ACADS: variants seen among roughly 807,000 people sequenced by gnomAD.
ACADS encodes the protein acyl-CoA dehydrogenase short chain, also known as short-chain specific acyl-CoA dehydrogenase, mitochondrial.
Under a neutral mutation model 46.8 loss-of-function variants are expected in ACADS, and 28 were observed. The observed-to-expected ratio is 0.60, with a 90% CI of 0.44 to 0.82. ACADS has a LOEUF of 0.82. ACADS is among the 40% of genes least tolerant of loss of function. The pLI is 0.00. For missense variants in ACADS, 528 were observed against 578.0 expected, an observed-to-expected ratio of 0.91 and a Z score of 0.89; for synonymous variants, 236 against 237.7, an observed-to-expected ratio of 0.99 and a Z score of 0.07.
intron 1 of ACADS, among the ~76,000 whole-genome samples, chr12:120,726,442 T>A (rs1391151957): frequency 1.3e-5 from 2 of 152,246 alleles, no homozygotes; most frequent in Admixed American, 1.3e-4. Flanking sequence ...ATACAGTACC[T>A]TTCCCATCTT....
At position 120,728,764 on chromosome 12, in the gene ACADS, C is replaced by T. The variant is rs183894819; in HGVS notation, c.210+1575C>T. 2.6e-5 allele frequency among the ~76,000 whole-genome samples: 4 copies of T among 152,214 alleles called. No individual in the cohort carries two copies. The highest frequency in any genetic ancestry group is 2.1e-4 in the South Asian group (1 of 4,822). On this transcript the variant is annotated intron_variant, in intron 2 of 9. Transcript: ENST00000242592. The surrounding 1 kb of genome is among the most constrained non-coding windows in gnomAD (Gnocchi z 4.0). ...TCAGGCAATCCACCCGCCTCGGCCTCGCAAAGTGCTGGGATTACAGGCGTG... is the reference window on the plus strand; with the variant it reads ...TCAGGCAATCCACCCGCCTCGGCCTTGCAAAGTGCTGGGATTACAGGCGTG...
chr12:120,739,409 G>A lies in ACADS; in HGVS notation c.1200G>A (p.Leu400=). ...AGGGCACCAGCGAAATCCAGCGGCT[G>A]GTGATCGCCGGGCATCTGCTCAGGA... ...IYEGTSEIQR[L]VIAGHLLRSY... The change falls in exon 10 of 10, where the codon CTG becomes CTA. Residue 400 remains leucine, a synonymous_variant. Transcript: ENST00000242592. 1 of 1,612,184 alleles carries A rather than the reference G, an allele frequency of 6.2e-7. No individual in the cohort carries two copies. The highest frequency in any genetic ancestry group is 1.1e-5 in the South Asian group (1 of 91,074).
chr12:120,737,900 T>C lies in ACADS; in HGVS notation c.536T>C (p.Leu179Pro). Residue 179 changes from leucine to proline, a missense_variant, in exon 5 of 10, where the codon CTG becomes CCG. Coordinates refer to ENST00000242592, the MANE Select transcript of ACADS (RefSeq NM_000017.4). Reference sequence around the variant, plus strand: ...CGGGCCGAGGGCGACTCATGGGTTCTGAATGGAACCAAAGCCTGGATCACC... The same window carrying C: ...CGGGCCGAGGGCGACTCATGGGTTCCGAATGGAACCAAAGCCTGGATCACC... ...TARAEGDSWV[L>P]NGTKAWITNA... 1 of 1,614,140 alleles carries C rather than the reference T, an allele frequency of 6.2e-7. No homozygotes were observed. Among genetic ancestry groups the C allele is most frequent in the Non-Finnish European group, 8.5e-7 (1 of 1,180,002 alleles).
At chr12:120,732,789 G>A (rs1278805466) in intron 2 of ACADS, among the ~76,000 whole-genome samples, 1 of 152,136 alleles carries the variant, frequency 6.6e-6, no homozygotes, top group Non-Finnish European at 1.5e-5. Context: ...GGGCGGCCAG[G>A]CAGAGACGCT....
intron 1 of ACADS, 110 bp downstream of exon 1, chr12:120,726,041 C>T (rs988750170): frequency 1.8e-5 from 21 of 1,175,302 alleles, no homozygotes; most frequent in Non-Finnish European, 2.4e-5. Flanking sequence ...GAGCCCCACT[C>T]CGGGAGCGCT....
rs781314751 is a variant in ACADS, at chr12:120,738,338, A to C, written c.683A>C (p.Glu228Ala). ...CCTGGGCTCACGTTGGGGAAGAAAG[A>C]AGACAAGCTGGGCATCCGGGGCTCA... ...PTPGLTLGKKEDKLGIRGSST... is the reference protein window; with the variant it reads ...PTPGLTLGKKADKLGIRGSST... The change falls in exon 6 of 10, where the codon GAA becomes GCA. Residue 228 changes from glutamate to alanine, a missense_variant. By Grantham distance (107) the Glu-to-Ala change is moderately radical (BLOSUM62 -1). Coordinates refer to ENST00000242592, the MANE Select transcript of ACADS (RefSeq NM_000017.4). 14 of 1,614,200 alleles carry C rather than the reference A, an allele frequency of 8.7e-6. 1 individual carries two copies. In the South Asian group the frequency reaches 1.5e-4, roughly 18 times the overall value.
intron 5 of ACADS, 129 bp from the exon 6 acceptor site, chr12:120,738,151 G>A: frequency 6.4e-7 from 1 of 1,571,136 alleles, no homozygotes; most frequent in Non-Finnish European, 8.6e-7. Context: ...TTCCCCAGAA[G>A]CCGGCAGAGG....
intron 2 of ACADS, among the ~76,000 whole-genome samples, chr12:120,732,334 G>A (rs1300088660): frequency 1.3e-5 from 2 of 151,638 alleles, no homozygotes; most frequent in Non-Finnish European, 2.9e-5. Context: ...CCTCCCGGAC[G>A]GGGTGGCTGC....
intron 8 of ACADS, 55 bp downstream of exon 8, chr12:120,738,970 G>C: frequency 1.2e-6 from 2 of 1,606,924 alleles, no homozygotes; most frequent in Middle Eastern, 3.3e-4. Flanking sequence ...CCAGGGACGG[G>C]GAGAGGTTGG....
At chr12:120,737,616 C>A in intron 4 of ACADS, 149 bp downstream of exon 4, 1 of 1,056,738 alleles carries the variant, frequency 9.5e-7, no homozygotes, top group Non-Finnish European at 1.4e-6. Flanking sequence ...CACCGCGGCG[C>A]TGGGAGGAAG....
At chr12:120,735,921 A>AATAAT (rs1883421591) in intron 2 of ACADS, among the ~76,000 whole-genome samples, 1 of 151,692 alleles carries the variant, frequency 6.6e-6, no homozygotes, top group Non-Finnish European at 1.5e-5. Flanking sequence ...AATAAAATAA[A>AATAAT]ATAAAATAAC....
intron 2 of ACADS, among the ~76,000 whole-genome samples, chr12:120,733,116 G>A (rs941845874): frequency 2.0e-5 from 3 of 152,282 alleles, no homozygotes; most frequent in African/African-American, 7.2e-5. Context: ...CAGGCACTCG[G>A]CAGGCTGAGG....
intron 2 of ACADS, 22 bp downstream of exon 2, chr12:120,727,211 C>T (rs1883114390): frequency 1.2e-6 from 2 of 1,613,552 alleles, no homozygotes. Flanking sequence ...ACCTCAGCAG[C>T]CCACGATAGT....
chr12:120,737,355 GTC>G lies in ACADS; in HGVS notation c.366_367del (p.Tyr123ProfsTer24), dbSNP rs1433582057. 5.6e-6 allele frequency: 9 copies of G among 1,613,648 alleles called. No homozygotes were observed. In the East Asian group the frequency reaches 8.9e-5, roughly 16 times the overall value. ...STGVIMSVNN[S>X]LYLGPILKFG... ...CCGACCGCTCCCCGCTGTCCTCCTA[GTC>G]TCTCTACCTGGGGCCCATCTTGAAG... On this transcript the variant is annotated frameshift_variant and splice_region_variant, in exon 4 of 10. Coordinates refer to ENST00000242592, the MANE Select transcript of ACADS (RefSeq NM_000017.4). LOFTEE classifies it high-confidence loss of function.
rs556890619 is a variant in ACADS at position 120,739,416 on chromosome 12, G to A, written c.1207G>A (p.Ala403Thr). Residue 403 changes from alanine (A) to threonine (T), a missense_variant, in exon 10 of 10, where the codon GCC becomes ACC. Transcript: ENST00000242592. Reference protein sequence around the residue: ...GTSEIQRLVIAGHLLRSYRS With the variant: ...GTSEIQRLVITGHLLRSYRS ...CAGCGAAATCCAGCGGCTGGTGATC[G>A]CCGGGCATCTGCTCAGGAGCTACCG... 138 of 1,611,762 alleles carry A rather than the reference G, an allele frequency of 8.6e-5. 1 individual carries two copies. The South Asian group carries it at 1.2e-3, about 14-fold the overall frequency.
chr12:120,732,441 C>T (rs1483866426), intron 2 of ACADS, among the ~76,000 whole-genome samples: 6 of 150,048 alleles, frequency 4.0e-5, no homozygotes, highest in Admixed American at 4.0e-4. Flanking sequence ...GGGTGGCTGC[C>T]AGGCAGAGGG....
intron 2 of ACADS, among the ~76,000 whole-genome samples, chr12:120,729,209 C>T (rs948446260): frequency 9.2e-5 from 14 of 151,880 alleles, no homozygotes; most frequent in Non-Finnish European, 2.1e-4. Context: ...AAACGATGGA[C>T]AAACCCGAAC....
chr12:120,739,195 AG>A lies in ACADS; in HGVS notation c.1086+1del, dbSNP rs1555244366. 1 of 1,613,082 alleles carries A rather than the reference AG, an allele frequency of 6.2e-7. No homozygotes were observed. The highest frequency in any genetic ancestry group is 8.5e-7 in the Non-Finnish European group (1 of 1,180,000). On this transcript the variant is annotated frameshift_variant and splice_region_variant, in exon 9 of 10. Coordinates refer to ENST00000242592, the MANE Select transcript of ACADS (RefSeq NM_000017.4). LOFTEE classifies it high-confidence loss of function. ...ASEAATAISH[Q>X]AIQILGGMGY... Reference sequence around the variant, plus strand: ...GAGGCCGCGACCGCCATCAGCCACCAGGTGAGTGTCCACAGTGAGCTCTGAG... The same window carrying A: ...GAGGCCGCGACCGCCATCAGCCACCAGTGAGTGTCCACAGTGAGCTCTGAG...
At position 120,727,042 on chromosome 12, in the gene ACADS, C is replaced by T. The variant is rs1883106264; in HGVS notation, c.63C>T (p.Ala21=). 2.5e-6 allele frequency: 4 copies of T among 1,614,184 alleles called. No homozygotes were observed. Among genetic ancestry groups the T allele is most frequent in the Non-Finnish European group, 3.4e-6 (4 of 1,180,034 alleles). The change falls in exon 2 of 10, where the codon GCC becomes GCT. Residue 21 remains alanine (A), a synonymous_variant. Coordinates refer to ENST00000242592, the MANE Select transcript of ACADS (RefSeq NM_000017.4). ...TGCCGGCAGCTCTCTGTCCTAGGGC[C>T]TGGCGGCAGTTACACACCATCTACC... is the stretch of plus-strand genomic sequence containing the variant. ...GPARRALCPR[A]WRQLHTIYQS...
Sources: gnomAD v4.1 joint callset for allele counts (sites outside exome capture counted in the v4.1 genomes callset) on GRCh38, gnomAD v4.1.1 for gene constraint, Gnocchi (gnomAD v3.1) non-coding constraint, MANE v1.5 for transcripts, NCBI Gene and HGNC (gene_info 2026-07-23, HGNC 2026-07-21) for gene names.